ABTB2: variants seen among roughly 807,000 people sequenced by gnomAD.
ABTB2 encodes ankyrin repeat and BTB/POZ domain-containing protein 2.
A neutral mutation model predicts 104.1 loss-of-function variants in ABTB2; 56 were observed. The ratio of observed to expected loss-of-function variants is 0.54; its 90% confidence interval spans 0.43 to 0.67. The LOEUF is 0.67. Ranked by LOEUF, ABTB2 falls within the 30% of genes least tolerant of loss-of-function variation. The pLI is 0.00. For synonymous variants in ABTB2, 606 were observed against 608.2 expected (o/e 1.00, Z 0.05); for missense variants, 1,279 against 1,407.7 (o/e 0.91, Z 1.46).
chr11:34,158,924 T>C (rs1026107741), intron 14 of ABTB2, among the ~76,000 whole-genome samples: 24 of 151,988 alleles, frequency 1.6e-4, no homozygotes, highest in Non-Finnish European at 1.8e-4. Flanking sequence ...AGGGCTGGGG[T>C]GGGGCCTGGG....
rs575945717 is a variant in ABTB2 at position 34,281,790 on chromosome 11, C to T, written c.883+74911G>A. 3.9e-5 allele frequency among the ~76,000 whole-genome samples: 6 copies of T among 152,342 alleles called. No individual in the cohort carries two copies. In the South Asian group the frequency reaches 8.3e-4, roughly 21 times the overall value. On this transcript the variant is annotated intron_variant, in intron 1 of 16. Coordinates refer to ENST00000435224, the MANE Select transcript of ABTB2 (RefSeq NM_145804.3). ...TTCTAGCTCTTGGAACACTGTGCCT[C>T]TTCTCTTATTCAAATGTCACACTTT...
chr11:34,346,276 T>C (rs1855330658), intron 1 of ABTB2, among the ~76,000 whole-genome samples: 1 of 152,030 alleles, frequency 6.6e-6, no homozygotes, highest in South Asian at 2.1e-4. Context: ...ATATTTAATT[T>C]TTTTTTTCTA....
intron 3 of ABTB2, among the ~76,000 whole-genome samples, chr11:34,193,691 C>A (rs1024131862): frequency 6.6e-6 from 1 of 152,228 alleles, no homozygotes; most frequent in African/African-American, 2.4e-5. Flanking sequence ...CTGACTTTGT[C>A]CTACCGGATA....
At chr11:34,340,106 A>G (rs542577394) in intron 1 of ABTB2, among the ~76,000 whole-genome samples, 1 of 152,342 alleles carries the variant, frequency 6.6e-6, no homozygotes, top group South Asian at 2.1e-4. Context: ...AAGGGAAGGG[A>G]AGAAGGAAGA....
At chr11:34,355,689 A>G (rs966224507) in intron 1 of ABTB2, among the ~76,000 whole-genome samples, 5 of 152,150 alleles carry the variant, frequency 3.3e-5, no homozygotes, top group African/African-American at 1.2e-4. Flanking sequence ...CCTTCCAATC[A>G]GATCGTAAGG....
At chr11:34,355,192 A>G (rs1403806362) in intron 1 of ABTB2, among the ~76,000 whole-genome samples, 1 of 152,226 alleles carries the variant, frequency 6.6e-6, no homozygotes, top group Non-Finnish European at 1.5e-5. Flanking sequence ...TGGGCCTAAC[A>G]TGTCAACTGT....
intron 1 of ABTB2, among the ~76,000 whole-genome samples, chr11:34,208,164 C>T (rs1450570411): frequency 3.3e-5 from 5 of 152,162 alleles, no homozygotes; most frequent in Non-Finnish European, 5.9e-5. Flanking sequence ...CTTAACACCT[C>T]GATGTGTTCC....
At chr11:34,337,735 T>C (rs994107181) in intron 1 of ABTB2, among the ~76,000 whole-genome samples, 4 of 152,214 alleles carry the variant, frequency 2.6e-5, no homozygotes, top group Admixed American at 2.6e-4. Flanking sequence ...ACTAGTGTCC[T>C]GCTCACCTCA....
In ABTB2 at chr11:34,152,404, T is replaced by G. The variant is rs372778906; in HGVS notation, c.3061A>C (p.Ile1021Leu). 3.2e-6 allele frequency: 5 copies of G among 1,574,200 alleles called. No individual in the cohort carries two copies. The highest frequency in any genetic ancestry group is 3.4e-6 in the Non-Finnish European group (4 of 1,160,970). ...TLAERVHSVY[I>L]TSRV ...CCCCTGCCTCACACCCGGGAGGTGATGTAGACAGAGTGCACGCGCTCTGCC... is the reference window on the plus strand; with the variant it reads ...CCCCTGCCTCACACCCGGGAGGTGAGGTAGACAGAGTGCACGCGCTCTGCC... Residue 1021 changes from isoleucine (I) to leucine (L), a missense_variant, in exon 17 of 17, where the codon ATC becomes CTC. Transcript: ENST00000435224.
At chr11:34,181,554 A>C (rs1439681965) in intron 3 of ABTB2, among the ~76,000 whole-genome samples, 1 of 152,148 alleles carries the variant, frequency 6.6e-6, no homozygotes, top group East Asian at 1.9e-4. Context: ...TTCTCCATCC[A>C]CCCAGGAGGA....
intron 2 of ABTB2, among the ~76,000 whole-genome samples, chr11:34,201,369 C>G (rs1227601710): frequency 6.6e-6 from 1 of 152,194 alleles, no homozygotes. Flanking sequence ...AGGAGAGAGT[C>G]TGGAATTCAA....
At chr11:34,214,627 C>T (rs530678494) in intron 1 of ABTB2, among the ~76,000 whole-genome samples, 55 of 150,176 alleles carry the variant, frequency 3.7e-4, no homozygotes, top group African/African-American at 1.3e-3. Flanking sequence ...GCAACCTTCA[C>T]CTGCTGGGCT....
At position 34,190,432 on chromosome 11, in the gene ABTB2, C is replaced by A. The variant is rs75199055; in HGVS notation, c.1244+6893G>T. 4.6e-3 allele frequency among the ~76,000 whole-genome samples: 700 copies of A among 152,294 alleles called. 2 individuals carry two copies. The highest frequency in any genetic ancestry group is 0.016 in the African/African-American group (660 of 41,546). On this transcript the variant is annotated intron_variant, in intron 3 of 16. Transcript: ENST00000435224. ...GCACCTGAGCTTCCTCCTGCACTGT[C>A]TGGTGGGTTTTGCTCATTTGTTTAC...
At chr11:34,164,370 G>A (rs918011208) in intron 9 of ABTB2, among the ~76,000 whole-genome samples, 5 of 68,898 alleles carry the variant, frequency 7.3e-5, no homozygotes, top group African/African-American at 1.5e-4. Flanking sequence ...GCAGGCATGG[G>A]AAGCAATGTG....
chr11:34,272,646 G>T (rs1181340301), intron 1 of ABTB2, among the ~76,000 whole-genome samples: 1 of 144,068 alleles, frequency 6.9e-6, no homozygotes, highest in African/African-American at 2.6e-5. Flanking sequence ...GGCGGAGCTT[G>T]CAGTGAGCCA....
At chr11:34,173,024 A>C in intron 4 of ABTB2, 131 bp downstream of exon 4, 1 of 1,188,080 alleles carries the variant, frequency 8.4e-7, no homozygotes, top group Non-Finnish European at 1.2e-6. Context: ...GGACACCCTT[A>C]GAACAGCTCA....
At position 34,326,989 on chromosome 11, in the gene ABTB2, C is replaced by T. The variant is rs920273287; in HGVS notation, c.883+29712G>A. ...CTACCCAGGAGGCTGACAGGAGAAT[C>T]GCTTAAACCCGGGAGGTGGAGGTTG... On this transcript the variant is annotated intron_variant, in intron 1 of 16. Transcript: ENST00000435224. Among the ~76,000 whole-genome samples the T allele has an allele frequency of 3.3e-5, 5 of 152,254 alleles. No individual in the cohort carries two copies. In the East Asian group the frequency reaches 5.8e-4, roughly 18 times the overall value.
At chr11:34,244,995 G>A (rs1271515194) in intron 1 of ABTB2, among the ~76,000 whole-genome samples, 3 of 152,132 alleles carry the variant, frequency 2.0e-5, no homozygotes, top group Admixed American at 1.3e-4. Flanking sequence ...ATGACAGAGT[G>A]AGAACCTGTC....
chr11:34,190,722 TCAG>T (rs1247418011), intron 3 of ABTB2, among the ~76,000 whole-genome samples: 2 of 152,130 alleles, frequency 1.3e-5, no homozygotes, highest in Non-Finnish European at 2.9e-5. Flanking sequence ...AGTAATATCA[TCAG>T]TAGTAGTATT....
Sources: allele counts gnomAD v4.1 joint callset (sites outside exome capture counted in the v4.1 genomes callset), GRCh38; gene constraint gnomAD v4.1.1; transcripts MANE v1.5; gene names NCBI Gene and HGNC (gene_info 2026-07-23, HGNC 2026-07-21).